The following C2orf49 variants were observed in gnomAD, a reference collection of about 807,000 sequenced individuals.
C2orf49 encodes tRNA splicing ligase complex subunit 2, also known as tRNA-splicing ligase complex subunit ASW.
In C2orf49, 11 loss-of-function variants were observed where a neutral mutation model predicts 20.6. The ratio of observed to expected loss-of-function variants is 0.53; its 90% CI spans 0.34 to 0.88. The LOEUF (loss-of-function observed/expected upper bound fraction) is 0.88, where lower values mean the gene tolerates loss of function less well. Ranked by LOEUF, C2orf49 falls within the 40% of genes least tolerant of loss-of-function variation. C2orf49 has a pLI of 0.02. For missense variants in C2orf49, 289 were observed against 274.2 expected (o/e 1.05, Z -0.38); for synonymous variants, 134 against 108.5 (o/e 1.24, Z -1.46).
chr2:105,363,479 G>T, the C2orf49 span: 1 of 1,599,088 alleles, frequency 6.3e-7, no homozygotes, highest in Non-Finnish European at 8.5e-7. Context: ...GGGCTGCAGG[G>T]ACGAGGGGGA....
At chr2:105,382,275 T>C in the C2orf49 span, among the ~76,000 whole-genome samples, 1 of 152,360 alleles carries the variant, frequency 6.6e-6, no homozygotes, top group South Asian at 2.1e-4. Flanking sequence ...GGCCTCTGAC[T>C]GAAGGTCACT....
chr2:105,381,432 G>T, the C2orf49 span, among the ~76,000 whole-genome samples: 1 of 152,152 alleles, frequency 6.6e-6, no homozygotes, highest in African/African-American at 2.4e-5. Flanking sequence ...ATAGGTGGCA[G>T]GACTTGTCCC....
the C2orf49 span, among the ~76,000 whole-genome samples, chr2:105,364,349 A>T: frequency 6.6e-6 from 1 of 152,224 alleles, no homozygotes; most frequent in South Asian, 2.1e-4. Context: ...CTTACGGTGA[A>T]AGAAGGAAGA....
chr2:105,357,415 T>G, the C2orf49 span, among the ~76,000 whole-genome samples: 1 of 152,206 alleles, frequency 6.6e-6, no homozygotes, highest in South Asian at 2.1e-4. Flanking sequence ...AAAAATAATT[T>G]TTATCTCTTT....
Position 105,349,197 on chromosome 2 carries a change from A to C in C2orf49, c.*3826A>C, listed in dbSNP as rs1008860086. 6.6e-6 allele frequency: 1 copy of C among 152,240 alleles called. No individual in the cohort carries two copies. Among genetic ancestry groups the C allele is most frequent in the Non-Finnish European group, 1.5e-5 (1 of 68,040 alleles). The allele number at this position is 152,240 out of a possible 1,614,324, so 9.4% of individuals were successfully genotyped here. A position where few individuals can be genotyped will look rare whatever the true frequency, so the allele number is the denominator to read the frequency against. ...TTTGGAGACTGATGCTGTAAATTAA[A>C]TAACTTGGAAAAGACTCAGGTAACT... On this transcript the variant is annotated 3_prime_UTR_variant, in exon 4 of 4. Transcript: ENST00000258457.
chr2:105,338,927 T>G (rs1679585335), intron 1 of C2orf49, among the ~76,000 whole-genome samples: 2 of 152,204 alleles, frequency 1.3e-5, no homozygotes, highest in Admixed American at 1.3e-4. Flanking sequence ...AAGAACAAAT[T>G]GGAAAATGAG....
the C2orf49 span, among the ~76,000 whole-genome samples, chr2:105,354,945 T>G: frequency 6.6e-6 from 1 of 152,028 alleles, no homozygotes; most frequent in Admixed American, 6.5e-5. Context: ...AAACATGGGT[T>G]TTTCAAACAT....
the C2orf49 span, among the ~76,000 whole-genome samples, chr2:105,354,332 A>G: frequency 6.6e-6 from 1 of 152,130 alleles, no homozygotes; most frequent in African/African-American, 2.4e-5. Context: ...CTAAATTTTC[A>G]TTGTTCCGGT....
At chr2:105,381,427 T>G in the C2orf49 span, among the ~76,000 whole-genome samples, 2 of 152,042 alleles carry the variant, frequency 1.3e-5, no homozygotes, top group Non-Finnish European at 2.9e-5. Context: ...GGCTTATAGG[T>G]GGCAGGACTT....
the C2orf49 span, chr2:105,363,202 T>C: frequency 7.3e-7 from 1 of 1,375,692 alleles, no homozygotes; most frequent in African/African-American, 1.4e-5. Context: ...AGTTGAGGGA[T>C]ATAGACAGGG....
the C2orf49 span, chr2:105,357,717 T>G: frequency 6.6e-6 from 1 of 152,350 alleles, no homozygotes; most frequent in South Asian, 2.1e-4. Flanking sequence ...TTTTTTTTTT[T>G]TTCCTAAATA....
At chr2:105,371,570 C>G in the C2orf49 span, among the ~76,000 whole-genome samples, 170 of 148,482 alleles carry the variant, frequency 1.1e-3, 2 homozygotes, top group East Asian at 0.032. Context: ...CTCTCTCTCT[C>G]TCTCTCCTTA....
At chr2:105,373,467 G>A in the C2orf49 span, 1 of 1,408,818 alleles carries the variant, frequency 7.1e-7, no homozygotes. Context: ...ACGAGTGTCT[G>A]GAACCAAGTC....
chr2:105,380,741 T>C, the C2orf49 span, among the ~76,000 whole-genome samples: 1 of 152,062 alleles, frequency 6.6e-6, no homozygotes, highest in South Asian at 2.1e-4. Flanking sequence ...GATGGAAATA[T>C]CCGGTTTTAA....
At chr2:105,361,569 G>C in the C2orf49 span, 2 of 703,984 alleles carry the variant, frequency 2.8e-6, no homozygotes, top group African/African-American at 3.6e-5. Context: ...CTAGTGACTG[G>C]GTGTTGGGAA....
the C2orf49 span, among the ~76,000 whole-genome samples, chr2:105,356,133 T>G: frequency 6.6e-6 from 1 of 152,060 alleles, no homozygotes; most frequent in Admixed American, 6.5e-5. Flanking sequence ...CTCACACCTG[T>G]AATCCCAGCA....
chr2:105,362,981 CTT>C, the C2orf49 span: 1 of 332,528 alleles, frequency 3.0e-6, no homozygotes, highest in Non-Finnish European at 5.6e-6. Flanking sequence ...TTTTATTGTG[CTT>C]TTGTGATGTC....
At chr2:105,355,959 A>G in the C2orf49 span, among the ~76,000 whole-genome samples, 2 of 152,168 alleles carry the variant, frequency 1.3e-5, no homozygotes, top group Non-Finnish European at 2.9e-5. Context: ...TTGTTAAGAA[A>G]ACAGACCAGG....
the C2orf49 span, among the ~76,000 whole-genome samples, chr2:105,366,567 G>A: frequency 3.3e-5 from 5 of 152,150 alleles, no homozygotes; most frequent in Non-Finnish European, 7.3e-5. Context: ...AATAAGAATT[G>A]CGTGTGTCTA....
Sources: gnomAD v4.1 joint callset for allele counts (sites outside exome capture counted in the v4.1 genomes callset) on GRCh38, gnomAD v4.1.1 for gene constraint, MANE v1.5 for transcripts, NCBI Gene and HGNC (gene_info 2026-07-23, HGNC 2026-07-21) for gene names.